Variants in PDE4D observed in about 807,000 individuals in gnomAD.
PDE4D encodes 3',5'-cyclic-AMP phosphodiesterase 4D.
In PDE4D, 24 loss-of-function variants were observed where a neutral mutation model predicts 87.4. The ratio of observed to expected loss-of-function variants is 0.27; its 90% CI spans 0.20 to 0.39. The LOEUF (loss-of-function observed/expected upper bound fraction) is 0.39, where lower values mean the gene tolerates loss of function less well. Ranked by LOEUF, PDE4D falls within the 10% of genes least tolerant of loss-of-function variation. The pLI, the probability that PDE4D is intolerant of heterozygous loss-of-function variation, is 1.00. For missense variants in PDE4D, 714 were observed against 1,041.0 expected, an observed-to-expected ratio of 0.69 and a Z score of 4.32; for synonymous variants, 384 against 383.2, an observed-to-expected ratio of 1.00 and a Z score of -0.02.
chr5:59,107,179 C>T (rs1308571165), intron 5 of PDE4D, among the ~76,000 whole-genome samples: 1 of 151,952 alleles, frequency 6.6e-6, no homozygotes, highest in African/African-American at 2.4e-5. Flanking sequence ...AGACATAATG[C>T]TATGAGAGTG....
In PDE4D at chr5:60,294,336, C is replaced by A. The variant is rs553031006; in HGVS notation, c.-89-108649G>T. The stretch of plus-strand genomic sequence containing the variant: ...GCTTTATGTGATATTGATTAAAGTC[C>A]TTTGTCAGATATGTTTTACAAATAT... On this transcript the variant is annotated intron_variant, in intron 1 of 16. Transcript: ENST00000502484. Among the ~76,000 whole-genome samples the A allele has an allele frequency of 3.5e-4, 54 of 152,212 alleles. 1 individual carries two copies. The South Asian group carries it at 0.011, about 31-fold the overall frequency.
chr5:60,243,956 C>A (rs1012015693), intron 1 of PDE4D, among the ~76,000 whole-genome samples: 1 of 151,722 alleles, frequency 6.6e-6, no homozygotes, highest in Non-Finnish European at 1.5e-5. Context: ...CTAGCTAGAT[C>A]AGTAAGACAA....
chr5:60,337,386 T>TATATATATAC (rs1757894037), intron 1 of PDE4D, among the ~76,000 whole-genome samples: 1 of 92,128 alleles, frequency 1.1e-5, no homozygotes, highest in African/African-American at 3.9e-5. Flanking sequence ...TATATATATA[T>TATATATATAC]ATACACACAC....
chr5:59,721,318 C>T (rs1422998444), intron 1 of PDE4D, among the ~76,000 whole-genome samples: 3 of 152,096 alleles, frequency 2.0e-5, no homozygotes, highest in Non-Finnish European at 2.9e-5. Context: ...CTGTATTCTT[C>T]GTAATGCCTG....
At chr5:59,824,786 A>G (rs1027009626) in intron 1 of PDE4D, among the ~76,000 whole-genome samples, 2 of 152,078 alleles carry the variant, frequency 1.3e-5, no homozygotes, top group African/African-American at 2.4e-5. Flanking sequence ...TCACCTCACT[A>G]GAGCCTTATC....
chr5:60,178,629 A>G (rs990884779), intron 2 of PDE4D, among the ~76,000 whole-genome samples: 8 of 152,182 alleles, frequency 5.3e-5, no homozygotes, highest in African/African-American at 1.9e-4. Flanking sequence ...CTAGAAAAAT[A>G]AAAGTTGGAC....
chr5:60,185,645 A>G (rs1466465565), exon 2 of PDE4D: 1 of 1,291,262 alleles, frequency 7.7e-7, no homozygotes, highest in South Asian at 1.3e-5. Flanking sequence ...TTCCAGTGTC[A>G]ATGATCTCAC....
chr5:59,405,779 TA>T (rs1791500913), intron 1 of PDE4D, among the ~76,000 whole-genome samples: 1 of 152,222 alleles, frequency 6.6e-6, no homozygotes, highest in Non-Finnish European at 1.5e-5. Flanking sequence ...TTTCCCAGCA[TA>T]AATTGAAATG....
At chr5:60,008,395 G>C (rs1764685266) in intron 2 of PDE4D, among the ~76,000 whole-genome samples, 2 of 151,982 alleles carry the variant, frequency 1.3e-5, no homozygotes, top group Non-Finnish European at 2.9e-5. Flanking sequence ...TACTAATTTT[G>C]AAACATCTGC....
intron 5 of PDE4D, chr5:59,039,568 C>T: frequency 3.1e-6 from 3 of 963,356 alleles, no homozygotes; most frequent in Non-Finnish European, 3.7e-6. Flanking sequence ...GGCTCCAACG[C>T]CGCAGCTTTC....
At chr5:59,133,437 T>G (rs1314689676) in intron 5 of PDE4D, among the ~76,000 whole-genome samples, 3 of 152,134 alleles carry the variant, frequency 2.0e-5, no homozygotes, top group Non-Finnish European at 2.9e-5. Flanking sequence ...TTTGAAGCAT[T>G]TGGCACAACA....
At chr5:60,264,010 AAAAT>A (rs1749925190) in intron 1 of PDE4D, among the ~76,000 whole-genome samples, 1 of 151,878 alleles carries the variant, frequency 6.6e-6, no homozygotes, top group South Asian at 2.1e-4. Flanking sequence ...TAAAAATAAT[AAAAT>A]AAATAATAAA....
intron 1 of PDE4D, among the ~76,000 whole-genome samples, chr5:60,383,516 C>T (rs568399941): frequency 6.6e-6 from 1 of 152,276 alleles, no homozygotes; most frequent in African/African-American, 2.4e-5. Context: ...AAAAGGTGTG[C>T]TTCCCAGAAT....
chr5:60,454,886 G>A (rs1258863102), intron 1 of PDE4D, among the ~76,000 whole-genome samples: 1 of 152,098 alleles, frequency 6.6e-6, no homozygotes, highest in Non-Finnish European at 1.5e-5. Flanking sequence ...ACATACATGA[G>A]CGGGGAGTGT....
intron 6 of PDE4D, among the ~76,000 whole-genome samples, chr5:58,997,136 A>G (rs780858934): frequency 2.2e-4 from 33 of 152,234 alleles, no homozygotes; most frequent in Non-Finnish European, 3.7e-4. Context: ...TGAAGCGTAC[A>G]TTAAGTTATA....
chr5:59,829,388 AT>A (rs1371390071), intron 1 of PDE4D, among the ~76,000 whole-genome samples: 1 of 152,048 alleles, frequency 6.6e-6, no homozygotes, highest in Non-Finnish European at 1.5e-5. Context: ...ATTACTTAAC[AT>A]TTACACAATT....
intron 2 of PDE4D, among the ~76,000 whole-genome samples, chr5:59,200,163 G>C (rs1187578590): frequency 8.2e-5 from 4 of 48,618 alleles, no homozygotes; most frequent in African/African-American, 2.1e-4. Context: ...GTATATATAA[G>C]TATACACGTG....
intron 2 of PDE4D, among the ~76,000 whole-genome samples, chr5:60,177,119 G>A (rs1382018087): frequency 6.6e-6 from 1 of 151,908 alleles, no homozygotes; most frequent in African/African-American, 2.4e-5. Context: ...AGTAAAGTTC[G>A]GTTGCATGTT....
intron 2 of PDE4D, among the ~76,000 whole-genome samples, chr5:60,009,432 TG>T: frequency 6.6e-6 from 1 of 152,154 alleles, no homozygotes. Flanking sequence ...TATTAGGCAC[TG>T]GAAATACAGT....
Sources: gnomAD v4.1 joint callset for allele counts (sites outside exome capture counted in the v4.1 genomes callset) on GRCh38, gnomAD v4.1.1 for gene constraint, MANE v1.5 for transcripts, NCBI Gene and HGNC (gene_info 2026-07-23, HGNC 2026-07-21) for gene names.